Variants in SLIT1 observed in about 807,000 individuals in gnomAD.
SLIT1 encodes slit guidance ligand 1, also known as slit homolog 1 protein.
In SLIT1, 66 loss-of-function variants were observed where a neutral mutation model predicts 186.1. The observed-to-expected ratio is 0.35, with a 90% CI of 0.29 to 0.44. The LOEUF (loss-of-function observed/expected upper bound fraction) is 0.44, where lower values mean the gene tolerates loss of function less well. Among genes scored for constraint, SLIT1 ranks in the 20% least tolerant of loss-of-function variants. The pLI is 1.00. For missense variants in SLIT1, 1,638 were observed against 2,037.4 expected (o/e 0.80, Z 3.77); for synonymous variants, 761 against 833.8 (o/e 0.91, Z 1.50).
At chr10:97,166,346 C>T (rs1352393655) in intron 1 of SLIT1, among the ~76,000 whole-genome samples, 2 of 151,496 alleles carry the variant, frequency 1.3e-5, no homozygotes, top group Admixed American at 6.6e-5. Flanking sequence ...GAAACCCCGT[C>T]TCTACTAAAA....
At chr10:97,161,864 C>T (rs1043965961) in intron 3 of SLIT1, among the ~76,000 whole-genome samples, 2 of 152,208 alleles carry the variant, frequency 1.3e-5, no homozygotes, top group Admixed American at 6.5e-5. Flanking sequence ...ATCCCCTCTT[C>T]TGTACAACTG....
At chr10:97,035,670 G>A (rs554164076) in intron 22 of SLIT1, among the ~76,000 whole-genome samples, 5 of 152,190 alleles carry the variant, frequency 3.3e-5, no homozygotes, top group African/African-American at 7.2e-5. Context: ...CAAAGCTGAC[G>A]AAACCCCACA....
chr10:97,044,479 A>C (rs181035037), intron 18 of SLIT1, among the ~76,000 whole-genome samples: 29 of 152,330 alleles, frequency 1.9e-4, no homozygotes, highest in Non-Finnish European at 3.5e-4. Flanking sequence ...AACCAAGTCA[A>C]CACAGGGTAG....
At chr10:97,165,395 G>A (rs566369699) in intron 1 of SLIT1, among the ~76,000 whole-genome samples, 56 of 152,256 alleles carry the variant, frequency 3.7e-4, no homozygotes, top group Non-Finnish European at 6.8e-4. Flanking sequence ...ACTGGCTCCT[G>A]CGAGTGCCGT....
Position 97,002,795 on chromosome 10 carries a change from T to C in SLIT1, c.4063A>G (p.Asn1355Asp). The C allele has an allele frequency of 1.2e-6, 2 of 1,613,930 alleles. No individual in the cohort carries two copies. Among genetic ancestry groups the C allele is most frequent in the Non-Finnish European group, 1.7e-6 (2 of 1,179,938 alleles). ...LYCLHGICQP[N>D]ATPGPMCHCE... ...TGGCACATGGGCCCTGGGGTGGCAT[T>C]GGGCTGGCAGATGCCATGCAGGCAG... The change falls in exon 35 of 37, where the codon AAT (asparagine) becomes GAT (aspartate). Residue 1355 changes from asparagine to aspartate, a missense_variant. Around this residue, in one of 3 missense-constraint regions of SLIT1, gnomAD observed 173 missense variants for 290.9 expected, o/e 0.59. Transcript: ENST00000266058.
chr10:97,113,189 G>A (rs145045181), intron 4 of SLIT1, among the ~76,000 whole-genome samples: 11 of 152,208 alleles, frequency 7.2e-5, no homozygotes, highest in African/African-American at 2.2e-4. Context: ...CTCTTGCAAC[G>A]TCAAAGGATT....
intron 4 of SLIT1, among the ~76,000 whole-genome samples, chr10:97,105,118 G>C (rs1849400004): frequency 1.3e-5 from 2 of 152,200 alleles, no homozygotes; most frequent in Admixed American, 6.5e-5. Flanking sequence ...GGCAGAGCTG[G>C]CTTCTTCCAG....
intron 4 of SLIT1, among the ~76,000 whole-genome samples, chr10:97,104,949 G>A (rs568957148): frequency 2.8e-4 from 40 of 143,680 alleles, no homozygotes; most frequent in African/African-American, 9.5e-4. Context: ...GTCACCACCC[G>A]TGAGATGGTG....
At chr10:97,075,204 T>C (rs1849035078) in intron 4 of SLIT1, among the ~76,000 whole-genome samples, 1 of 152,206 alleles carries the variant, frequency 6.6e-6, no homozygotes, top group Non-Finnish European at 1.5e-5. Context: ...TCTGGGGGCT[T>C]AGATCCTTGT....
At chr10:97,046,881 C>T (rs1015389706) in intron 17 of SLIT1, 84 bp from the exon 18 acceptor site, 153 of 1,579,748 alleles carry the variant, frequency 9.7e-5, no homozygotes, top group Non-Finnish European at 1.3e-4. Context: ...AACACCCCCA[C>T]ACACAGAGTC....
intron 28 of SLIT1, among the ~76,000 whole-genome samples, chr10:97,017,596 G>T (rs1461004693): frequency 1.3e-5 from 2 of 151,912 alleles, no homozygotes; most frequent in Non-Finnish European, 3.0e-5. Flanking sequence ...GCTCAGGGCA[G>T]GGCCGGAGGG....
At chr10:97,165,860 T>C (rs1033867585) in intron 1 of SLIT1, among the ~76,000 whole-genome samples, 21 of 152,062 alleles carry the variant, frequency 1.4e-4, no homozygotes, top group Admixed American at 1.3e-4. Flanking sequence ...CAAGGCCACC[T>C]TGGACCCACC....
intron 13 of SLIT1, among the ~76,000 whole-genome samples, chr10:97,053,386 A>G (rs572355483): frequency 6.6e-6 from 1 of 152,262 alleles, no homozygotes; most frequent in East Asian, 1.9e-4. Context: ...CTCCCTGGCT[A>G]TAAGTAAATT....
In SLIT1 at chr10:97,171,335, G is replaced by A. The variant is rs539467235; in HGVS notation, c.198-6445C>T. Among the ~76,000 whole-genome samples, 6 of 152,152 alleles carry A rather than the reference G, an allele frequency of 3.9e-5. No individual in the cohort carries two copies. In the East Asian group the frequency reaches 5.8e-4, roughly 15 times the overall value. On this transcript the variant is annotated intron_variant, in intron 1 of 36. Coordinates refer to ENST00000266058, the MANE Select transcript of SLIT1 (RefSeq NM_003061.3). ...ATCCCACCTGCCAGCTGCAACACCC[G>A]CCCCATGCCTCTATCCTCGAGCCTG...
In SLIT1 at chr10:97,185,730, C is replaced by G; in HGVS notation, c.-56G>C. ...AGACGGCAGCAGCCGCTGACCATCCCCGTCCGGGGCCGCCTCCAGGTGCAG... is the reference window on the plus strand; with the variant it reads ...AGACGGCAGCAGCCGCTGACCATCCGCGTCCGGGGCCGCCTCCAGGTGCAG... On this transcript the variant is annotated 5_prime_UTR_variant, in exon 1 of 37. Transcript: ENST00000266058. 7.3e-7 allele frequency: 1 copy of G among 1,379,046 alleles called. No homozygotes were observed. Among genetic ancestry groups the G allele is most frequent in the Non-Finnish European group, 9.4e-7 (1 of 1,060,270 alleles). The allele number at this position is 1,379,046 out of a possible 1,614,324, so 85.4% of individuals were successfully genotyped here. A position where few individuals can be genotyped will look rare whatever the true frequency, so the allele number is the denominator to read the frequency against.
intron 4 of SLIT1, among the ~76,000 whole-genome samples, chr10:97,117,290 A>G (rs947726523): frequency 4.6e-5 from 7 of 151,934 alleles, no homozygotes; most frequent in African/African-American, 1.4e-4. Flanking sequence ...TAAATTAAAA[A>G]AAATTACAGG....
chr10:97,184,028 A>ACACG lies in SLIT1; in HGVS notation c.197+1449_197+1450insCGTG, dbSNP rs1850377800. On this transcript the variant is annotated intron_variant, in intron 1 of 36. Coordinates refer to ENST00000266058, the MANE Select transcript of SLIT1 (RefSeq NM_003061.3). This position sits in a 1 kb window ranked among gnomAD's most constrained non-coding sequence, Gnocchi z 4.4. ...ACACATACACATGCACCACACACAC[A>ACACG]CACACACACACACACACACACACAC... Among the ~76,000 whole-genome samples the ACACG allele has an allele frequency of 4.8e-5, 7 of 145,828 alleles. No individual in the cohort carries two copies. The South Asian group carries it at 1.5e-3, about 32-fold the overall frequency.
chr10:97,033,860 AT>A (rs36010222), intron 23 of SLIT1, among the ~76,000 whole-genome samples: 16,718 of 125,182 alleles, frequency 0.13, 1,166 homozygotes, highest in African/African-American at 0.22. Flanking sequence ...GCACTGTTCT[AT>A]TTTTTTTTTT....
At chr10:97,017,672 C>T (rs1284938089) in intron 28 of SLIT1, among the ~76,000 whole-genome samples, 1 of 152,136 alleles carries the variant, frequency 6.6e-6, no homozygotes, top group Non-Finnish European at 1.5e-5. Flanking sequence ...AGCAAACAGG[C>T]CTTGGCTCCC....
Sources: allele counts gnomAD v4.1 joint callset (sites outside exome capture counted in the v4.1 genomes callset), GRCh38; gene constraint gnomAD v4.1.1; regional missense constraint gnomAD v4.1.1; non-coding constraint Gnocchi (gnomAD v3.1); transcripts MANE v1.5; gene names NCBI Gene and HGNC (gene_info 2026-07-23, HGNC 2026-07-21).